The following DLG2 variants were observed in gnomAD, a reference collection of about 807,000 sequenced individuals.
DLG2 encodes the protein disks large homolog 2.
DLG2 carries 45 observed loss-of-function variants against 132.5 expected under a neutral mutation model. That is an observed-to-expected ratio of 0.34 (90% CI 0.27 to 0.44). The LOEUF is 0.44. Among genes scored for constraint, DLG2 ranks in the 20% least tolerant of loss-of-function variants. The pLI, the probability that DLG2 is intolerant of heterozygous loss-of-function variation, is 1.00. For missense variants in DLG2, 1,045 were observed against 1,196.9 expected (o/e 0.87, Z 1.87); for synonymous variants, 424 against 419.6 (o/e 1.01, Z -0.13).
chr11:84,158,815 T>C (rs952245070), intron 9 of DLG2, among the ~76,000 whole-genome samples: 6 of 152,228 alleles, frequency 3.9e-5, no homozygotes, highest in South Asian at 2.1e-4. Context: ...TGGAATGCTA[T>C]GTCTTTAATA....
chr11:84,733,742 G>C (rs1444061379), intron 6 of DLG2, among the ~76,000 whole-genome samples: 1 of 152,140 alleles, frequency 6.6e-6, no homozygotes, highest in Non-Finnish European at 1.5e-5. Flanking sequence ...TAATGCCTAG[G>C]TTTTCTTCTA....
chr11:84,038,992 A>T (rs1266325697), intron 11 of DLG2, among the ~76,000 whole-genome samples: 1 of 152,052 alleles, frequency 6.6e-6, no homozygotes, highest in Non-Finnish European at 1.5e-5. Context: ...CTCCCATGAC[A>T]CGTGGGCATT....
At chr11:84,140,121 C>A (rs1391381406) in intron 9 of DLG2, among the ~76,000 whole-genome samples, 1 of 151,930 alleles carries the variant, frequency 6.6e-6, no homozygotes, top group Non-Finnish European at 1.5e-5. Context: ...AACAAAAAAA[C>A]CACAGTCACA....
chr11:83,914,994 A>C (rs2076690623), intron 15 of DLG2, among the ~76,000 whole-genome samples: 1 of 152,074 alleles, frequency 6.6e-6, no homozygotes, highest in Admixed American at 6.6e-5. Context: ...CAGACACATA[A>C]AGGATGAGGA....
chr11:85,167,481 G>A lies in DLG2; in HGVS notation c.187-12830C>T, dbSNP rs756082707. On this transcript the variant is annotated intron_variant, in intron 4 of 27. Transcript: ENST00000376104. Reference sequence around the variant, plus strand: ...TCAGGAAGTTCACTCTCACTTTCCCGTCACCCTGAAGCAAGTGATAAAACC... The same window carrying A: ...TCAGGAAGTTCACTCTCACTTTCCCATCACCCTGAAGCAAGTGATAAAACC... 3.9e-5 allele frequency among the ~76,000 whole-genome samples: 6 copies of A among 152,042 alleles called. No individual in the cohort carries two copies. In the South Asian group the frequency reaches 6.2e-4, roughly 16 times the overall value.
intron 21 of DLG2, among the ~76,000 whole-genome samples, chr11:83,499,877 A>G (rs2094367856): frequency 8.2e-6 from 1 of 121,762 alleles, no homozygotes; most frequent in Non-Finnish European, 1.7e-5. Flanking sequence ...ATATATATAT[A>G]TATATATATA....
chr11:83,718,532 G>GAA (rs57237354), intron 18 of DLG2, among the ~76,000 whole-genome samples: 9,139 of 106,254 alleles, frequency 0.086, 598 homozygotes, highest in African/African-American at 0.17. Flanking sequence ...CTCAAAAAAA[G>GAA]AAAAAAAAAA....
At chr11:84,336,001 A>T (rs1394276272) in intron 7 of DLG2, among the ~76,000 whole-genome samples, 1 of 152,230 alleles carries the variant, frequency 6.6e-6, no homozygotes, top group Non-Finnish European at 1.5e-5. Flanking sequence ...AATTTTTATT[A>T]TTTTAATTCA....
chr11:83,813,381 T>C (rs1487106161), intron 17 of DLG2, among the ~76,000 whole-genome samples: 1 of 152,100 alleles, frequency 6.6e-6, no homozygotes, highest in Non-Finnish European at 1.5e-5. Context: ...GTTTATAGGA[T>C]CCTCTGAGAT....
chr11:84,905,673 T>C (rs1030409140), intron 6 of DLG2, among the ~76,000 whole-genome samples: 2 of 152,214 alleles, frequency 1.3e-5, no homozygotes, highest in Non-Finnish European at 2.9e-5. Context: ...CCTCCTTTCC[T>C]TCAAAAGTAA....
At chr11:84,895,612 T>C (rs1371293692) in intron 6 of DLG2, among the ~76,000 whole-genome samples, 1 of 152,170 alleles carries the variant, frequency 6.6e-6, no homozygotes, top group Admixed American at 6.5e-5. Context: ...AGCACACCAG[T>C]ACCAAATTAA....
At chr11:83,654,073 T>A (rs934228993) in intron 18 of DLG2, among the ~76,000 whole-genome samples, 1 of 152,146 alleles carries the variant, frequency 6.6e-6, no homozygotes, top group African/African-American at 2.4e-5. Flanking sequence ...CTGAATTTAT[T>A]CTATTCTGTG....
intron 6 of DLG2, among the ~76,000 whole-genome samples, chr11:84,894,785 T>C (rs7101454): frequency 0.37 from 56,908 of 151,898 alleles, 11,407 homozygotes; most frequent in Non-Finnish European, 0.42. Context: ...GCTGACTACT[T>C]AAGTTACATG....
chr11:84,861,640 C>CAAAAAAAAAAAAAAAAAAAAA (rs1248486704), intron 6 of DLG2, among the ~76,000 whole-genome samples: 5 of 75,648 alleles, frequency 6.6e-5, no homozygotes, highest in Non-Finnish European at 9.4e-5. Flanking sequence ...AAAAAAAAAA[C>CAAAAAAAAAAAAAAAAAAAAA]AAAAAAAAAA....
intron 2 of DLG2, among the ~76,000 whole-genome samples, chr11:85,600,785 T>C (rs180981644): frequency 2.0e-5 from 3 of 152,346 alleles, no homozygotes; most frequent in East Asian, 1.9e-4. Context: ...AATTTTTGAA[T>C]AGTGGACAAA....
intron 6 of DLG2, among the ~76,000 whole-genome samples, chr11:84,787,302 G>A (rs1476455461): frequency 6.6e-6 from 1 of 152,114 alleles, no homozygotes. Flanking sequence ...GCGTGCTCCA[G>A]ATTCCTATGG....
chr11:84,841,787 T>C (rs562010387), intron 6 of DLG2, among the ~76,000 whole-genome samples: 24 of 152,140 alleles, frequency 1.6e-4, no homozygotes, highest in African/African-American at 5.5e-4. Context: ...ATAGCATAAA[T>C]ACAATTCCCT....
chr11:84,204,984 G>A (rs909795242), intron 8 of DLG2, among the ~76,000 whole-genome samples: 26 of 152,278 alleles, frequency 1.7e-4, no homozygotes, highest in African/African-American at 4.6e-4. Flanking sequence ...GATTACAGGC[G>A]TGAGTCACCG....
intron 3 of DLG2, among the ~76,000 whole-genome samples, chr11:85,343,009 CTT>C (rs2082601470): frequency 6.6e-6 from 1 of 151,870 alleles, no homozygotes. Flanking sequence ...TTCTCCCTAA[CTT>C]TAATGCTGTT....
Sources: allele counts gnomAD v4.1 joint callset (sites outside exome capture counted in the v4.1 genomes callset), GRCh38; gene constraint gnomAD v4.1.1; transcripts MANE v1.5; gene names NCBI Gene and HGNC (gene_info 2026-07-23, HGNC 2026-07-21).